The following MARF1 variants were observed in gnomAD, a reference collection of about 807,000 sequenced individuals.
The protein encoded by MARF1 is limkain-b1.
In MARF1, 24 loss-of-function variants were observed where a neutral mutation model predicts 168.2. That is an observed-to-expected ratio of 0.14 (90% confidence interval 0.10 to 0.20). The LOEUF is 0.20. Ranked by LOEUF, MARF1 falls within the 10% of genes least tolerant of loss-of-function variation. MARF1 has a pLI of 1.00. For missense variants in MARF1, 1,744 were observed against 2,143.6 expected (o/e 0.81, Z 3.68); for synonymous variants, 868 against 822.4 (o/e 1.06, Z -0.95).
Position 15,620,412 on chromosome 16 carries a change from C to G in MARF1, c.2720+39G>C, listed in dbSNP as rs138791681. 78 of 1,292,900 alleles carry G rather than the reference C, an allele frequency of 6.0e-5. No individual in the cohort carries two copies. In the African/African-American group the frequency reaches 1.0e-3, roughly 17 times the overall value. 80.1% of individuals were successfully genotyped at this position (1,292,900 alleles called of 1,614,324 possible). On this transcript the variant is annotated intron_variant, in intron 13 of 26. Coordinates refer to ENST00000396368, the MANE Select transcript of MARF1 (RefSeq NM_014647.4). ...GGTTTTGTGCATGTAAGCCACCAAT[C>G]AGTACTGACTGGATAAAGAAAAAAT...
rs1446553175 is a variant in MARF1 at position 15,602,104 on chromosome 16, G to T, written c.4513C>A (p.Gln1505Lys). The T allele has an allele frequency of 1.2e-6, 2 of 1,613,998 alleles. No homozygotes were observed. Among genetic ancestry groups the T allele is most frequent in the Non-Finnish European group, 1.7e-6 (2 of 1,179,998 alleles). The change falls in exon 23 of 27, where the codon CAG (glutamine) becomes AAG (lysine). Residue 1505 changes from glutamine to lysine, a missense_variant. Coordinates refer to ENST00000396368, the MANE Select transcript of MARF1 (RefSeq NM_014647.4). Reference sequence around the variant, plus strand: ...ATGGAAAACTCATGAAGGAAAATCTGCTGGTAGTGGTAAGTATGAAGTAAA... The same window carrying T: ...ATGGAAAACTCATGAAGGAAAATCTTCTGGTAGTGGTAAGTATGAAGTAAA... ...RSLLHTYHYQ[Q>K]IFLHEFSMAY...
rs1037959614 is a variant in MARF1, at chr16:15,595,660, G to A, written c.*1033C>T. On this transcript the variant is annotated 3_prime_UTR_variant, in exon 27 of 27. Transcript: ENST00000396368. The stretch of plus-strand genomic sequence containing the variant: ...CTGAGCTGACATACACACACATAAA[G>A]CTTCCCAGCTACCGATACCAGCTTT... 3 of 152,176 alleles carry A rather than the reference G, an allele frequency of 2.0e-5. No individual in the cohort carries two copies. The highest frequency in any genetic ancestry group is 7.2e-5 in the African/African-American group (3 of 41,402). 9.4% of individuals were successfully genotyped at this position (152,176 alleles called of 1,614,324 possible). A position where few individuals can be genotyped will look rare whatever the true frequency, so the allele number is the denominator to read the frequency against.
intron 12 of MARF1, 51 bp downstream of exon 12, chr16:15,621,682 T>C (rs749467955): frequency 7.8e-6 from 12 of 1,540,260 alleles, no homozygotes; most frequent in African/African-American, 2.8e-5. Context: ...TCTAAAATTG[T>C]TTCTGGGTCA....
Position 15,617,555 on chromosome 16 carries a change from G to A in MARF1, c.2721-20C>T. ...CCAAACCTAAAAGCAAGAGAAGAGAGACGCTGACTTAGAAGGTTTTTCTTT... is the reference window on the plus strand; with the variant it reads ...CCAAACCTAAAAGCAAGAGAAGAGAAACGCTGACTTAGAAGGTTTTTCTTT... On this transcript the variant is annotated intron_variant, in intron 13 of 26. Transcript: ENST00000396368. 1 of 1,537,196 alleles carries A rather than the reference G, an allele frequency of 6.5e-7. No homozygotes were observed. The highest frequency in any genetic ancestry group is 8.9e-7 in the Non-Finnish European group (1 of 1,120,802).
rs143832415 is a variant in MARF1 at position 15,634,342 on chromosome 16, G to A, written c.1006+415C>T. Among the ~76,000 whole-genome samples the A allele has an allele frequency of 3.1e-4, 47 of 152,240 alleles. 1 individual carries two copies. Among genetic ancestry groups the A allele is most frequent in the South Asian group, 8.3e-4 (4 of 4,820 alleles). ...ATTTTAAAAATGTTTTCAAAACGTC[G>A]CATTAACTACTTTTTAGGGAAATTA... On this transcript the variant is annotated intron_variant, in intron 4 of 26. Transcript: ENST00000396368.
intron 23 of MARF1, 76 bp from the exon 24 acceptor site, chr16:15,600,777 A>G: frequency 1.3e-6 from 2 of 1,490,494 alleles, no homozygotes. Flanking sequence ...GAAGAGTGTG[A>G]CCTACGGAGC....
At chr16:15,609,176 T>C (rs932859245) in intron 20 of MARF1, among the ~76,000 whole-genome samples, 2 of 152,074 alleles carry the variant, frequency 1.3e-5, no homozygotes, top group Non-Finnish European at 2.9e-5. Flanking sequence ...CAGGCGGAGG[T>C]TGCAGTGAGC....
In MARF1 at chr16:15,639,215, T is replaced by C; in HGVS notation, c.19A>G (p.Thr7Ala). ...CGTGTTCTACTGCAGGAGTTCTCAG[T>C]TCCGTTTCCTTCCATCATACAGCCA... is the stretch of plus-strand genomic sequence containing the variant. MMEGNG[T>A]ENSCSRTRGW... Residue 7 changes from threonine (T) to alanine (A), a missense_variant, in exon 2 of 27, where the codon ACT becomes GCT. Coordinates refer to ENST00000396368, the MANE Select transcript of MARF1 (RefSeq NM_014647.4). 1.2e-6 allele frequency: 2 copies of C among 1,613,530 alleles called. No homozygotes were observed. Among genetic ancestry groups the C allele is most frequent in the South Asian group, 2.2e-5 (2 of 90,958 alleles).
chr16:15,622,535 G>A (rs963055062), intron 11 of MARF1, among the ~76,000 whole-genome samples: 5 of 152,118 alleles, frequency 3.3e-5, no homozygotes, highest in Non-Finnish European at 7.4e-5. Flanking sequence ...GGGACTACAG[G>A]CGTGCACCAC....
intron 2 of MARF1, among the ~76,000 whole-genome samples, chr16:15,638,818 TTG>T (rs2035764529): frequency 6.6e-6 from 1 of 152,222 alleles, no homozygotes; most frequent in South Asian, 2.1e-4. Flanking sequence ...TTTTTAATCT[TTG>T]TTACCTGTGA....
At chr16:15,617,870 T>C (rs1167007780) in intron 13 of MARF1, among the ~76,000 whole-genome samples, 1 of 152,152 alleles carries the variant, frequency 6.6e-6, no homozygotes, top group East Asian at 1.9e-4. Context: ...CTGTGTTACT[T>C]CTCACCATCC....
chr16:15,636,199 G>A lies in MARF1; in HGVS notation c.288C>T (p.Val96=). ...AATGAGCACAGCAGCTTACTTTGGG[G>A]ACAGAAGAAAGCTGTATTTTAGGCT... The part of the protein sequence containing the change: ...LQQPKIQLSS[V]PKVSCCAHCP... Residue 96 remains valine, a synonymous_variant, in exon 3 of 27, where the codon GTC becomes GTT. Transcript: ENST00000396368. 1 of 1,614,248 alleles carries A rather than the reference G, an allele frequency of 6.2e-7. No homozygotes were observed. Among genetic ancestry groups the A allele is most frequent in the Non-Finnish European group, 8.5e-7 (1 of 1,180,046 alleles).
At position 15,608,533 on chromosome 16, in the gene MARF1, G is replaced by T; in HGVS notation, c.3955-15C>A. 2 of 1,572,448 alleles carry T rather than the reference G, an allele frequency of 1.3e-6. No homozygotes were observed. The highest frequency in any genetic ancestry group is 1.7e-6 in the Non-Finnish European group (2 of 1,143,546). On this transcript the variant is annotated splice_polypyrimidine_tract_variant and intron_variant, in intron 20 of 26. Transcript: ENST00000396368. Reference sequence around the variant, plus strand: ...CATTCCAATACCTTTGAAAACACACGGGGGGAGGAAAGGGAAAATAAACAA... The same window carrying T: ...CATTCCAATACCTTTGAAAACACACTGGGGGAGGAAAGGGAAAATAAACAA...
rs777399250 is a variant in MARF1, at chr16:15,631,445, C to T, written c.1287G>A (p.Leu429=). ...ATAKNAADDK[L]RQSLRRFANT... is the part of the protein sequence containing the mutation. ...TTGCAAATCTGCGGAGACTCTGCCG[C>T]AGTTTATCATCAGCGGCATTCTTTG... Residue 429 remains leucine, a synonymous_variant, in exon 6 of 27, where the codon CTG becomes CTA. Coordinates refer to ENST00000396368, the MANE Select transcript of MARF1 (RefSeq NM_014647.4). 2.5e-6 allele frequency: 4 copies of T among 1,613,282 alleles called. No individual in the cohort carries two copies. Among genetic ancestry groups the T allele is most frequent in the Non-Finnish European group, 3.4e-6 (4 of 1,179,512 alleles).
rs140896910 is a variant in MARF1, at chr16:15,626,840, G to A, written c.1525-1040C>T. ...TAGCTGAGCAAAGTGGCAGACGCCT[G>A]TAATCCCAGCTACTCCAGAGGCTGA... is the stretch of plus-strand genomic sequence containing the variant. On this transcript the variant is annotated intron_variant, in intron 7 of 26. Transcript: ENST00000396368. Among the ~76,000 whole-genome samples the A allele has an allele frequency of 2.5e-3, 385 of 151,870 alleles. 5 individuals are homozygous for A. The highest frequency in any genetic ancestry group is 8.6e-3 in the African/African-American group (357 of 41,402).
chr16:15,636,427 G>A (rs904030808), intron 2 of MARF1, 85 bp from the exon 3 acceptor site: 3 of 936,758 alleles, frequency 3.2e-6, no homozygotes, highest in Non-Finnish European at 4.8e-6. Context: ...TGCACAAACA[G>A]AAATAGTGTT....
At chr16:15,604,832 C>T (rs1353433166) in intron 21 of MARF1, among the ~76,000 whole-genome samples, 1 of 152,102 alleles carries the variant, frequency 6.6e-6, no homozygotes, top group Non-Finnish European at 1.5e-5. Flanking sequence ...TCTGTGCAGA[C>T]CCGACTTGCC....
chr16:15,624,724 C>T (rs1391593863), intron 10 of MARF1, 45 bp downstream of exon 10: 1 of 1,548,070 alleles, frequency 6.5e-7, no homozygotes, highest in Non-Finnish European at 8.8e-7. Context: ...CATAATCCTT[C>T]CTATTACATG....
At chr16:15,621,011 G>A (rs11866875) in intron 12 of MARF1, among the ~76,000 whole-genome samples, 9,394 of 152,160 alleles carry the variant, frequency 0.062, 1,010 homozygotes, top group African/African-American at 0.21. Context: ...TGGGCCATAG[G>A]CCTGTGGATG....
Sources: gnomAD v4.1 joint callset for allele counts (sites outside exome capture counted in the v4.1 genomes callset) on GRCh38, gnomAD v4.1.1 for gene constraint, MANE v1.5 for transcripts, NCBI Gene and HGNC (gene_info 2026-07-23, HGNC 2026-07-21) for gene names.